Variants in AVEN observed in about 807,000 individuals in gnomAD.
AVEN encodes the protein apoptosis and caspase activation inhibitor.
In AVEN, 41 loss-of-function variants were observed where a neutral mutation model predicts 38.1. The observed-to-expected ratio is 1.08, with a 90% confidence interval of 0.84 to 1.40. AVEN has a LOEUF of 1.40. AVEN is among the 40% of genes most tolerant of loss of function. The probability of loss-of-function intolerance (pLI) is 0.00; values close to 1 mark genes in which losing one functional copy is unlikely to be tolerated. For synonymous variants in AVEN, 206 were observed against 171.8 expected, an observed-to-expected ratio of 1.20 and a Z score of -1.56; for missense variants, 605 against 438.8, an observed-to-expected ratio of 1.38 and a Z score of -3.38.
intron 1 of AVEN, among the ~76,000 whole-genome samples, chr15:34,024,499 A>C (rs1288200211): frequency 6.7e-6 from 1 of 149,486 alleles, no homozygotes; most frequent in African/African-American, 2.4e-5. Context: ...AAAAAGAAGC[A>C]CTTTGCTCAC....
At chr15:34,054,356 C>A (rs779990497) in intron 5 of AVEN, among the ~76,000 whole-genome samples, 1 of 152,158 alleles carries the variant, frequency 6.6e-6, no homozygotes. Flanking sequence ...ATAAATCATT[C>A]TATCATAAAG....
rs542627216 is a variant in AVEN, at chr15:33,896,353, A to G, written c.446-20358T>C. Among the ~76,000 whole-genome samples, 188 of 152,300 alleles carry G rather than the reference A, an allele frequency of 1.2e-3. 2 individuals are homozygous for G. The highest frequency in any genetic ancestry group is 4.4e-3 in the African/African-American group (182 of 41,562). ...TTGTTAGCATAGCTTACATCACCCAATACAATCTGGCACCCATCGAATTCT... is the reference window on the plus strand; with the variant it reads ...TTGTTAGCATAGCTTACATCACCCAGTACAATCTGGCACCCATCGAATTCT... On this transcript the variant is annotated intron_variant, in intron 2 of 5. Transcript: ENST00000306730.
chr15:34,011,969 T>G (rs1039115223), intron 1 of AVEN, among the ~76,000 whole-genome samples: 2 of 152,214 alleles, frequency 1.3e-5, no homozygotes, highest in African/African-American at 4.8e-5. Flanking sequence ...GGAGGTCCTT[T>G]TAGGGAGTCC....
At chr15:34,035,121 C>T (rs937761910) in intron 1 of AVEN, among the ~76,000 whole-genome samples, 7 of 152,168 alleles carry the variant, frequency 4.6e-5, no homozygotes, top group South Asian at 2.1e-4. Flanking sequence ...AAAATGTCAA[C>T]GCCATCGGGT....
chr15:34,053,906 A>G (rs1426807875), intron 5 of AVEN, among the ~76,000 whole-genome samples: 1 of 152,204 alleles, frequency 6.6e-6, no homozygotes. Flanking sequence ...ACAGAATGGG[A>G]GAAAAATTTT....
chr15:34,063,622 C>T lies in AVEN; in HGVS notation n.1127-190G>A, dbSNP rs142978946. The stretch of plus-strand genomic sequence containing the variant: ...TGGGCCAAAGCTGAGCAGCTCACCA[C>T]CTGTAGCAGCTACCCTTCCTCAGAG... On this transcript the variant is annotated intron_variant and non_coding_transcript_variant, in intron 4 of 11. Transcript: ENST00000675287. The surrounding 1 kb of genome is among the most constrained non-coding windows in gnomAD (Gnocchi z 4.1). The T allele has an allele frequency of 6.2e-7, 1 of 1,613,970 alleles. No individual in the cohort carries two copies. Among genetic ancestry groups the T allele is most frequent in the African/African-American group, 1.3e-5 (1 of 74,938 alleles).
chr15:33,964,070 C>G (rs1214113941), intron 2 of AVEN, among the ~76,000 whole-genome samples: 1 of 149,700 alleles, frequency 6.7e-6, no homozygotes, highest in African/African-American at 2.5e-5. Flanking sequence ...AGTGTCCCCA[C>G]TAGCCTACAG....
rs148852209 is a variant in AVEN at position 33,890,965 on chromosome 15, G to A, written c.446-14970C>T. ...ACTACCAAAAATTTAAAGAATTAGC[G>A]GAGCGTGGTGGTGCACATGTGTAGT... On this transcript the variant is annotated intron_variant, in intron 2 of 5. Coordinates refer to ENST00000306730, the MANE Select transcript of AVEN (RefSeq NM_020371.3). Among the ~76,000 whole-genome samples, 14 of 152,128 alleles carry A rather than the reference G, an allele frequency of 9.2e-5. No homozygotes were observed. The East Asian group carries it at 1.2e-3, about 13-fold the overall frequency.
intron 2 of AVEN, among the ~76,000 whole-genome samples, chr15:33,944,074 T>C (rs962602392): frequency 6.6e-6 from 1 of 152,100 alleles, no homozygotes; most frequent in African/African-American, 2.4e-5. Flanking sequence ...AATTCATTTG[T>C]CTCAACTCTT....
intron 1 of AVEN, among the ~76,000 whole-genome samples, chr15:34,011,739 A>G (rs1369166923): frequency 1.3e-5 from 2 of 152,092 alleles, no homozygotes; most frequent in Non-Finnish European, 2.9e-5. Context: ...AAGTCCTTAT[A>G]TCTTTCTCAT....
chr15:33,928,386 C>T (rs1000383404), intron 2 of AVEN, among the ~76,000 whole-genome samples: 4 of 152,056 alleles, frequency 2.6e-5, no homozygotes, highest in African/African-American at 9.7e-5. Context: ...TAAAAGAAAG[C>T]AAGGGATCAA....
At chr15:33,985,084 T>G (rs1896364916) in intron 2 of AVEN, among the ~76,000 whole-genome samples, 1 of 152,078 alleles carries the variant, frequency 6.6e-6, no homozygotes, top group South Asian at 2.1e-4. Flanking sequence ...CTGTATTTGT[T>G]GGTTTCCTCA....
chr15:33,886,503 C>T (rs546570094), intron 2 of AVEN, among the ~76,000 whole-genome samples: 15 of 152,264 alleles, frequency 9.9e-5, no homozygotes, highest in African/African-American at 3.4e-4. Context: ...TGGGGTTTCA[C>T]CATGTTAGCC....
chr15:33,983,370 A>G (rs529833069), intron 2 of AVEN, among the ~76,000 whole-genome samples: 2 of 152,090 alleles, frequency 1.3e-5, no homozygotes, highest in South Asian at 4.2e-4. Context: ...ACGTACCCTC[A>G]TTAACCCCAT....
At chr15:33,982,435 G>A (rs1168218190) in intron 2 of AVEN, among the ~76,000 whole-genome samples, 2 of 152,056 alleles carry the variant, frequency 1.3e-5, no homozygotes, top group African/African-American at 4.8e-5. Flanking sequence ...AAAATAAATG[G>A]AAGTATTTCT....
chr15:33,894,379 C>T (rs925823708), intron 2 of AVEN, among the ~76,000 whole-genome samples: 1 of 152,014 alleles, frequency 6.6e-6, no homozygotes, highest in Non-Finnish European at 1.5e-5. Context: ...AAGGCACTGA[C>T]AGGCCTTCAT....
Position 33,886,678 on chromosome 15 carries a change from A to G in AVEN, c.446-10683T>C, listed in dbSNP as rs192913233. Among the ~76,000 whole-genome samples, 3 of 152,284 alleles carry G rather than the reference A, an allele frequency of 2.0e-5. No individual in the cohort carries two copies. In the East Asian group the frequency reaches 5.8e-4, roughly 29 times the overall value. On this transcript the variant is annotated intron_variant, in intron 2 of 5. Transcript: ENST00000306730. ...TACTTCCCCTTCCACCATGACTGTA[A>G]GTTTCCTGAGGCTTCCGCAGCTCTG...
chr15:33,949,635 T>C (rs1805196375), intron 2 of AVEN, among the ~76,000 whole-genome samples: 1 of 152,124 alleles, frequency 6.6e-6, no homozygotes, highest in Non-Finnish European at 1.5e-5. Context: ...GATGGAAACA[T>C]TGTAAAATTA....
chr15:34,027,563 C>A (rs1234573352), intron 1 of AVEN, among the ~76,000 whole-genome samples: 2 of 151,072 alleles, frequency 1.3e-5, no homozygotes, highest in East Asian at 3.9e-4. Context: ...AACAGCCTCA[C>A]AACTATGGTA....
Sources: allele counts gnomAD v4.1 joint callset (sites outside exome capture counted in the v4.1 genomes callset), GRCh38; gene constraint gnomAD v4.1.1; non-coding constraint Gnocchi (gnomAD v3.1); transcripts MANE v1.5; gene names NCBI Gene and HGNC (gene_info 2026-07-23, HGNC 2026-07-21).